PCDH7: variants seen among roughly 807,000 people sequenced by gnomAD.
PCDH7 encodes the protein protocadherin 7.
A neutral mutation model predicts 58.9 loss-of-function variants in PCDH7; 17 were observed. That is an observed-to-expected ratio of 0.29 (90% CI 0.20 to 0.43). PCDH7 has a LOEUF of 0.43. Ranked by LOEUF, PCDH7 falls within the 20% of genes least tolerant of loss-of-function variation. PCDH7 has a pLI of 1.00. For missense variants in PCDH7, 1,274 were observed against 1,441.0 expected, an observed-to-expected ratio of 0.88 and a Z score of 1.88; for synonymous variants, 664 against 616.4, an observed-to-expected ratio of 1.08 and a Z score of -1.14.
chr4:31,120,775 A>G (rs1322256328), intron 3 of PCDH7, among the ~76,000 whole-genome samples: 3 of 152,164 alleles, frequency 2.0e-5, no homozygotes, highest in African/African-American at 7.2e-5. Context: ...TAGTTTAGCC[A>G]AATCCTTTTA....
At position 30,722,240 on chromosome 4, in the gene PCDH7, C is replaced by T. The variant is rs1294535255; in HGVS notation, c.818C>T (p.Ser273Phe). The T allele has an allele frequency of 1.3e-6, 2 of 1,594,910 alleles. No individual in the cohort carries two copies. The highest frequency in any genetic ancestry group is 1.3e-5 in the African/African-American group (1 of 74,592). The change falls in exon 1 of 2, where the codon TCC becomes TTC. Residue 273 changes from serine to phenylalanine, a missense_variant. By Grantham distance (155) the Ser-to-Phe change is radical. Transcript: ENST00000361762. The surrounding 1 kb of genome is among the most constrained non-coding windows in gnomAD (Gnocchi z 7.6). ...GCGCTGGACCGCGAGCAGCGCGACT[C>T]CTACGAGCTGACCCTGCGAGTGCGC...
intron 3 of PCDH7, among the ~76,000 whole-genome samples, chr4:31,015,274 A>C (rs143198134): frequency 1.8e-3 from 267 of 152,304 alleles, no homozygotes; most frequent in African/African-American, 6.3e-3. Context: ...TTATTGTGCA[A>C]ATAAATCCAA....
intron 1 of PCDH7, among the ~76,000 whole-genome samples, chr4:30,785,520 C>T (rs985052290): frequency 1.3e-5 from 2 of 152,080 alleles, no homozygotes; most frequent in African/African-American, 2.4e-5. Context: ...GAAGAAGACA[C>T]CATTTACATT....
chr4:31,090,035 C>T lies in PCDH7; in HGVS notation c.*8-52438C>T, dbSNP rs149574636. On this transcript the variant is annotated intron_variant, in intron 3 of 3. Transcript: ENST00000509759. ...CTGACTCAGATGTCGTGTACATAGG[C>T]AAACCACAAGTCATCACCCCTTTCT... Among the ~76,000 whole-genome samples the T allele has an allele frequency of 2.6e-3, 394 of 152,062 alleles. 2 individuals are homozygous for T. The highest frequency in any genetic ancestry group is 9.0e-3 in the African/African-American group (374 of 41,498).
intron 2 of PCDH7, among the ~76,000 whole-genome samples, chr4:30,944,514 C>T (rs563533037): frequency 6.6e-6 from 1 of 152,080 alleles, no homozygotes; most frequent in African/African-American, 2.4e-5. Flanking sequence ...GAAAACCAAA[C>T]ACATAGGACC....
At chr4:30,798,326 TA>T (rs1417397112) in intron 1 of PCDH7, among the ~76,000 whole-genome samples, 1 of 152,164 alleles carries the variant, frequency 6.6e-6, no homozygotes, top group African/African-American at 2.4e-5. Flanking sequence ...CAAATAACCC[TA>T]AATATATCTG....
downstream of PCDH7, among the ~76,000 whole-genome samples, chr4:30,737,333 T>G (rs1478318942): frequency 6.6e-6 from 1 of 152,150 alleles, no homozygotes; most frequent in Non-Finnish European, 1.5e-5. Flanking sequence ...GCATTTACAC[T>G]TTTGGGGGCG....
intron 1 of PCDH7, among the ~76,000 whole-genome samples, chr4:30,764,923 G>T (rs115103767): frequency 0.023 from 3,484 of 151,956 alleles, 182 homozygotes; most frequent in East Asian, 0.21. Flanking sequence ...GTTTCACCAC[G>T]TTGGTCAGGA....
chr4:30,786,865 T>A, intron 1 of PCDH7: 1 of 496,702 alleles, frequency 2.0e-6, no homozygotes, highest in Non-Finnish European at 2.6e-6. Flanking sequence ...TTGTCTTGTG[T>A]AAAAAGAAAT....
chr4:30,934,007 C>T (rs1745014161), intron 2 of PCDH7, among the ~76,000 whole-genome samples: 1 of 152,138 alleles, frequency 6.6e-6, no homozygotes, highest in Admixed American at 6.6e-5. Flanking sequence ...TCAGTTTTTC[C>T]CCGTAAGCTT....
At chr4:31,056,432 AAGAAAGAAGG>A (rs1393441334) in intron 3 of PCDH7, among the ~76,000 whole-genome samples, 45 of 104,726 alleles carry the variant, frequency 4.3e-4, no homozygotes, top group African/African-American at 2.5e-3. Flanking sequence ...AGGAAAGAAA[AAGAAAGAAGG>A]AAAGAAAGAA....
chr4:31,059,294 TA>T (rs1757492807), intron 3 of PCDH7, among the ~76,000 whole-genome samples: 1 of 151,980 alleles, frequency 6.6e-6, no homozygotes, highest in South Asian at 2.1e-4. Flanking sequence ...CATAACTTCT[TA>T]AAAATTGTGT....
chr4:30,911,333 A>C (rs1038938336), intron 1 of PCDH7, among the ~76,000 whole-genome samples: 1 of 133,520 alleles, frequency 7.5e-6, no homozygotes, highest in Non-Finnish European at 1.6e-5. Context: ...CCCCCCCCCA[A>C]AAAAAAGAAC....
intron 3 of PCDH7, among the ~76,000 whole-genome samples, chr4:31,033,876 C>T (rs540219008): frequency 5.7e-4 from 87 of 152,074 alleles, no homozygotes; most frequent in African/African-American, 2.0e-3. Flanking sequence ...GGCAGATCAC[C>T]GGAGGTCAGG....
chr4:31,092,071 C>G (rs1192121488), intron 3 of PCDH7, among the ~76,000 whole-genome samples: 2 of 151,684 alleles, frequency 1.3e-5, no homozygotes, highest in African/African-American at 4.8e-5. Context: ...GAGAAATTGC[C>G]TAATTCCCTG....
At chr4:30,884,007 G>A (rs1737347639) in intron 1 of PCDH7, among the ~76,000 whole-genome samples, 1 of 152,070 alleles carries the variant, frequency 6.6e-6, no homozygotes, top group Non-Finnish European at 1.5e-5. Flanking sequence ...TAATTCCTAT[G>A]GGAGGCAAGA....
intron 3 of PCDH7, among the ~76,000 whole-genome samples, chr4:31,092,648 G>T (rs1208671732): frequency 1.3e-5 from 2 of 151,922 alleles, no homozygotes; most frequent in African/African-American, 4.8e-5. Context: ...GTTTAATACA[G>T]GCAACCTATA....
chr4:31,130,334 G>A (rs1718825515), intron 3 of PCDH7, among the ~76,000 whole-genome samples: 1 of 152,136 alleles, frequency 6.6e-6, no homozygotes, highest in African/African-American at 2.4e-5. Context: ...GGATACTAGA[G>A]TGAAGTAGAA....
intron 3 of PCDH7, among the ~76,000 whole-genome samples, chr4:31,112,750 A>G (rs1716484323): frequency 6.6e-6 from 1 of 152,208 alleles, no homozygotes; most frequent in Admixed American, 6.5e-5. Flanking sequence ...GGCACCTGGT[A>G]TATTATCTTG....
Sources: gnomAD v4.1 joint callset for allele counts (sites outside exome capture counted in the v4.1 genomes callset) on GRCh38, gnomAD v4.1.1 for gene constraint, Gnocchi (gnomAD v3.1) non-coding constraint, MANE v1.5 for transcripts, NCBI Gene and HGNC (gene_info 2026-07-23, HGNC 2026-07-21) for gene names.